Variants in LMBR1 observed in about 807,000 individuals in gnomAD.
LMBR1 encodes the protein limb development membrane protein 1, also known as limb region 1 protein homolog.
In LMBR1, 52 loss-of-function variants were observed where a neutral mutation model predicts 73.9. The observed-to-expected ratio is 0.70, with a 90% CI of 0.56 to 0.89. The LOEUF (loss-of-function observed/expected upper bound fraction) is 0.89, where lower values mean the gene tolerates loss of function less well. Ranked by LOEUF, LMBR1 falls within the 40% of genes least tolerant of loss-of-function variation. The probability of loss-of-function intolerance (pLI) is 0.00; values close to 1 mark genes in which losing one functional copy is unlikely to be tolerated. For missense variants in LMBR1, 539 were observed against 579.8 expected (o/e 0.93, Z 0.72); for synonymous variants, 215 against 209.4 (o/e 1.03, Z -0.23).
At chr7:156,711,965 C>T (rs75579416) in intron 15 of LMBR1, among the ~76,000 whole-genome samples, 4,001 of 152,156 alleles carry the variant, frequency 0.026, 176 homozygotes, top group African/African-American at 0.092. Context: ...CTTAAGACCT[C>T]GAAAGCACAG....
At chr7:156,718,673 G>T (rs889500496) in intron 15 of LMBR1, among the ~76,000 whole-genome samples, 10 of 152,120 alleles carry the variant, frequency 6.6e-5, no homozygotes, top group African/African-American at 2.4e-4. Context: ...GGAAGTTGAG[G>T]CTGCAGTGAG....
chr7:156,876,254 C>T (rs115365130), intron 1 of LMBR1, among the ~76,000 whole-genome samples: 2,724 of 151,756 alleles, frequency 0.018, 85 homozygotes, highest in African/African-American at 0.062. Context: ...AAGGCCTTGT[C>T]CAAAAGGAAA....
At position 156,678,374 on chromosome 7, in the gene LMBR1, G is replaced by A. The variant is rs1054845122; in HGVS notation, c.*5704C>T. Reference sequence around the variant, plus strand: ...GCCTGTGACAGTTAACAGAAAATCAGGCAATTTTCTTACTGAAAAGTGGCC... The same window carrying A: ...GCCTGTGACAGTTAACAGAAAATCAAGCAATTTTCTTACTGAAAAGTGGCC... On this transcript the variant is annotated 3_prime_UTR_variant, in exon 17 of 17. Coordinates refer to ENST00000353442, the MANE Select transcript of LMBR1 (RefSeq NM_022458.4). 6.6e-6 allele frequency: 1 copy of A among 152,180 alleles called. No individual in the cohort carries two copies. Among genetic ancestry groups the A allele is most frequent in the Non-Finnish European group, 1.5e-5 (1 of 68,044 alleles). 9.4% of individuals were successfully genotyped at this position (152,180 alleles called of 1,614,324 possible). A position where few individuals can be genotyped will look rare whatever the true frequency, so the allele number is the denominator to read the frequency against.
intron 15 of LMBR1, among the ~76,000 whole-genome samples, chr7:156,698,196 C>T (rs367635982): frequency 6.6e-6 from 1 of 152,204 alleles, no homozygotes; most frequent in African/African-American, 2.4e-5. Flanking sequence ...AGTGGGTTCC[C>T]ATGGTCTTGG....
rs550674564 is a variant in LMBR1 at position 156,741,616 on chromosome 7, GAT to G, written c.758-7361_758-7360del. Among the ~76,000 whole-genome samples, 284 of 152,134 alleles carry G rather than the reference GAT, an allele frequency of 1.9e-3. 2 individuals carry two copies. Among genetic ancestry groups the G allele is most frequent in the African/African-American group, 6.7e-3 (279 of 41,534 alleles). On this transcript the variant is annotated intron_variant, in intron 9 of 16. Coordinates refer to ENST00000353442, the MANE Select transcript of LMBR1 (RefSeq NM_022458.4). ...TGCAAAAGGGTATAACAATTGTAAAGATATATGCACCAATGGAGCATCCAGAT... is the reference window on the plus strand; with the variant it reads ...TGCAAAAGGGTATAACAATTGTAAAGATATGCACCAATGGAGCATCCAGAT...
chr7:156,739,846 A>G (rs1188354738), intron 9 of LMBR1, among the ~76,000 whole-genome samples: 4 of 152,178 alleles, frequency 2.6e-5, no homozygotes, highest in African/African-American at 9.7e-5. Flanking sequence ...GACACTGACG[A>G]ATATCCACAA....
chr7:156,838,387 C>T (rs1838044720), intron 1 of LMBR1, among the ~76,000 whole-genome samples: 1 of 152,144 alleles, frequency 6.6e-6, no homozygotes, highest in Admixed American at 6.5e-5. Flanking sequence ...ACCCCTAGTC[C>T]CTGGCAACCA....
chr7:156,779,193 G>T (rs1249069170), intron 5 of LMBR1, among the ~76,000 whole-genome samples: 2 of 152,218 alleles, frequency 1.3e-5, no homozygotes, highest in African/African-American at 4.8e-5. Context: ...AGGATTTCAT[G>T]AACTTCACAA....
At chr7:156,744,457 C>T (rs1047611363) in intron 9 of LMBR1, among the ~76,000 whole-genome samples, 1 of 151,836 alleles carries the variant, frequency 6.6e-6, no homozygotes, top group African/African-American at 2.4e-5. Flanking sequence ...TTAACCTGAA[C>T]TCAAGTCTTT....
intron 1 of LMBR1, among the ~76,000 whole-genome samples, chr7:156,873,069 G>A (rs1041464843): frequency 1.8e-4 from 27 of 152,182 alleles, no homozygotes; most frequent in African/African-American, 4.8e-4. Flanking sequence ...AAATGTGTCC[G>A]GAATTAGTGG....
At chr7:156,705,051 T>C (rs1272310618) in intron 15 of LMBR1, among the ~76,000 whole-genome samples, 3 of 152,184 alleles carry the variant, frequency 2.0e-5, no homozygotes, top group Non-Finnish European at 2.9e-5. Flanking sequence ...ATCCCAAGTA[T>C]AGCAAGAGAT....
rs541693821 is a variant in LMBR1 at position 156,726,461 on chromosome 7, TA to T, written c.994-625del. On this transcript the variant is annotated intron_variant, in intron 12 of 16. Transcript: ENST00000353442. ...TCAAAAACTATCTTTACCTAGAACT[TA>T]AAAAAAAAACACAAAAAAGTTACTA... Among the ~76,000 whole-genome samples, 270 of 147,144 alleles carry T rather than the reference TA, an allele frequency of 1.8e-3. 1 individual carries two copies. Among genetic ancestry groups the T allele is most frequent in the African/African-American group, 6.0e-3 (241 of 40,242 alleles).
intron 15 of LMBR1, among the ~76,000 whole-genome samples, chr7:156,714,027 G>C (rs903748179): frequency 2.0e-5 from 3 of 152,090 alleles, no homozygotes; most frequent in African/African-American, 7.2e-5. Context: ...TCACGGTATT[G>C]ATAGCCTTCC....
chr7:156,879,126 C>A (rs943595338), intron 1 of LMBR1, among the ~76,000 whole-genome samples: 6 of 152,162 alleles, frequency 3.9e-5, no homozygotes, highest in South Asian at 2.1e-4. Flanking sequence ...CTTCTAGACA[C>A]TGGCTTAGGA....
At chr7:156,852,726 T>A (rs1452539468) in intron 1 of LMBR1, among the ~76,000 whole-genome samples, 1 of 152,158 alleles carries the variant, frequency 6.6e-6, no homozygotes, top group Non-Finnish European at 1.5e-5. Flanking sequence ...ACCAGGTGAA[T>A]CGTGCTACTA....
intron 15 of LMBR1, among the ~76,000 whole-genome samples, chr7:156,706,381 A>C (rs1261240085): frequency 6.6e-6 from 1 of 152,118 alleles, no homozygotes; most frequent in African/African-American, 2.4e-5. Flanking sequence ...GCAAAGAAAC[A>C]CTGTACTTGG....
chr7:156,728,940 A>C lies in LMBR1; in HGVS notation c.839-220T>G, dbSNP rs560291267. Among the ~76,000 whole-genome samples, 3 of 152,278 alleles carry C rather than the reference A, an allele frequency of 2.0e-5. No homozygotes were observed. The South Asian group carries it at 6.2e-4, about 32-fold the overall frequency. ...AGCTCACTGCAACCTCCTAGGCTCAAGTGATCCTCCCATCTCAACCACCCA... is the reference window on the plus strand; with the variant it reads ...AGCTCACTGCAACCTCCTAGGCTCACGTGATCCTCCCATCTCAACCACCCA... On this transcript the variant is annotated intron_variant, in intron 10 of 16. Transcript: ENST00000353442.
chr7:156,725,684 T>A, intron 13 of LMBR1, 80 bp downstream of exon 13: 1 of 1,352,360 alleles, frequency 7.4e-7, no homozygotes, highest in Non-Finnish European at 1.0e-6. Context: ...TAGACAAGTG[T>A]CTTAGTAAAT....
intron 1 of LMBR1, among the ~76,000 whole-genome samples, chr7:156,859,995 G>A (rs1797506099): frequency 6.6e-6 from 1 of 152,106 alleles, no homozygotes; most frequent in African/African-American, 2.4e-5. Context: ...ACACAATATG[G>A]ACAACTGATC....
Sources: allele counts gnomAD v4.1 joint callset (sites outside exome capture counted in the v4.1 genomes callset), GRCh38; gene constraint gnomAD v4.1.1; transcripts MANE v1.5; gene names NCBI Gene and HGNC (gene_info 2026-07-23, HGNC 2026-07-21).